NCK2: variants seen among roughly 807,000 people sequenced by gnomAD.
The protein encoded by NCK2 is NCK adaptor protein 2.
In NCK2, 16 loss-of-function variants were observed where a neutral mutation model predicts 33.9. The ratio of observed to expected loss-of-function variants is 0.47; its 90% CI spans 0.32 to 0.72. NCK2 has a LOEUF of 0.72. NCK2 is among the 30% of genes least tolerant of loss of function. NCK2 has a pLI of 0.03. For synonymous variants in NCK2, 273 were observed against 239.9 expected (o/e 1.14, Z -1.27); for missense variants, 418 against 537.3 (o/e 0.78, Z 2.19).
intron 1 of NCK2, among the ~76,000 whole-genome samples, chr2:105,747,501 A>G (rs1057363810): frequency 6.6e-6 from 1 of 152,194 alleles, no homozygotes; most frequent in African/African-American, 2.4e-5. Flanking sequence ...TGCCGTGTGC[A>G]CTGGGGGAGA....
At chr2:105,775,613 A>G (rs1464897750) in intron 1 of NCK2, among the ~76,000 whole-genome samples, 5 of 152,168 alleles carry the variant, frequency 3.3e-5, no homozygotes, top group Admixed American at 6.5e-5. Context: ...GCTGTAGACA[A>G]AGGAGCTGTT....
chr2:105,786,010 CTT>C (rs1294627176), intron 1 of NCK2, among the ~76,000 whole-genome samples: 1 of 152,214 alleles, frequency 6.6e-6, no homozygotes, highest in Non-Finnish European at 1.5e-5. Context: ...TGTGTCCACT[CTT>C]TGCCCATCTG....
intron 4 of NCK2, among the ~76,000 whole-genome samples, chr2:105,887,317 AAAG>A (rs1193597942): frequency 6.6e-6 from 1 of 152,216 alleles, no homozygotes; most frequent in African/African-American, 2.4e-5. Context: ...TGCCTTCTGT[AAAG>A]AAGTAAAAGG....
intron 4 of NCK2, among the ~76,000 whole-genome samples, chr2:105,886,214 T>C (rs1273458627): frequency 6.6e-6 from 1 of 152,252 alleles, no homozygotes; most frequent in Non-Finnish European, 1.5e-5. Flanking sequence ...TGGATTTTTG[T>C]AATAGTTCTA....
intron 3 of NCK2, among the ~76,000 whole-genome samples, chr2:105,858,460 G>C (rs1297956015): frequency 6.6e-6 from 1 of 152,084 alleles, no homozygotes; most frequent in Non-Finnish European, 1.5e-5. Flanking sequence ...TGTTGCCTGG[G>C]CTGATCTTTA....
intron 1 of NCK2, among the ~76,000 whole-genome samples, chr2:105,773,095 C>T (rs1690188718): frequency 6.6e-6 from 1 of 151,522 alleles, no homozygotes; most frequent in African/African-American, 2.4e-5. Flanking sequence ...GACAGGCCCT[C>T]ACTGTGTTAT....
At chr2:105,837,611 A>G (rs993396991) in intron 2 of NCK2, among the ~76,000 whole-genome samples, 1 of 152,186 alleles carries the variant, frequency 6.6e-6, no homozygotes, top group African/African-American at 2.4e-5. Context: ...TCTGTACTGC[A>G]TATAAGTAGA....
Position 105,871,880 on chromosome 2 carries a change from G to A in NCK2, c.227-9448G>A, listed in dbSNP as rs557671882. Among the ~76,000 whole-genome samples, 42 of 152,284 alleles carry A rather than the reference G, an allele frequency of 2.8e-4. 1 individual carries two copies. In the South Asian group the frequency reaches 6.2e-3, roughly 23 times the overall value. On this transcript the variant is annotated intron_variant, in intron 3 of 4. Transcript: ENST00000233154. ...AAGGTCAATTAGGACCTTAGAGAGCGGGGAGGAAACTACATGACACCTGAC... is the reference window on the plus strand; with the variant it reads ...AAGGTCAATTAGGACCTTAGAGAGCAGGGAGGAAACTACATGACACCTGAC...
Position 105,867,883 on chromosome 2 carries a change from A to C in NCK2, c.226+12594A>C, listed in dbSNP as rs78422411. Among the ~76,000 whole-genome samples the C allele has an allele frequency of 1.8e-4, 27 of 152,378 alleles. No homozygotes were observed. The East Asian group carries it at 5.0e-3, about 28-fold the overall frequency. Reference sequence around the variant, plus strand: ...TTTACGAATAAAGAAACGTGAACCAAATATGCCAGGGAATTAGAGAACCAT... The same window carrying C: ...TTTACGAATAAAGAAACGTGAACCACATATGCCAGGGAATTAGAGAACCAT... On this transcript the variant is annotated intron_variant, in intron 3 of 4. Transcript: ENST00000233154.
chr2:105,793,057 C>T (rs1558839466), intron 1 of NCK2, among the ~76,000 whole-genome samples: 1 of 152,060 alleles, frequency 6.6e-6, no homozygotes, highest in Non-Finnish European at 1.5e-5. Context: ...TGAAGGTGAG[C>T]ATCAAGCAGT....
intron 1 of NCK2, among the ~76,000 whole-genome samples, chr2:105,803,136 G>T (rs1335336072): frequency 6.6e-6 from 1 of 151,910 alleles, no homozygotes; most frequent in African/African-American, 2.4e-5. Flanking sequence ...GCAAGGTTAG[G>T]CTTATTTTCT....
At chr2:105,811,235 A>G (rs552338206) in intron 1 of NCK2, among the ~76,000 whole-genome samples, 4 of 151,934 alleles carry the variant, frequency 2.6e-5, no homozygotes, top group Non-Finnish European at 5.9e-5. Context: ...TTGGCACCAC[A>G]TCATCAATTT....
At chr2:105,799,423 C>G (rs186945663) in intron 1 of NCK2, among the ~76,000 whole-genome samples, 1 of 152,228 alleles carries the variant, frequency 6.6e-6, no homozygotes, top group Admixed American at 6.5e-5. Flanking sequence ...GATGGCCAAC[C>G]AGAGTACCCC....
chr2:105,778,682 T>C (rs774578451), intron 1 of NCK2, among the ~76,000 whole-genome samples: 1 of 152,202 alleles, frequency 6.6e-6, no homozygotes, highest in Non-Finnish European at 1.5e-5. Flanking sequence ...GCACTGGTTA[T>C]GTGTATCAAT....
chr2:105,841,630 G>A (rs770426291), intron 2 of NCK2, among the ~76,000 whole-genome samples: 27 of 152,156 alleles, frequency 1.8e-4, no homozygotes, highest in Non-Finnish European at 3.4e-4. Context: ...TTGGAGGGTG[G>A]AGGGTGGGGT....
intron 1 of NCK2, among the ~76,000 whole-genome samples, chr2:105,752,840 T>A (rs1396250994): frequency 1.3e-5 from 2 of 152,190 alleles, no homozygotes; most frequent in African/African-American, 4.8e-5. Flanking sequence ...ATATTTCTGA[T>A]AACATGTTAA....
chr2:105,775,151 T>C (rs1166977809), intron 1 of NCK2, among the ~76,000 whole-genome samples: 25 of 152,188 alleles, frequency 1.6e-4, no homozygotes. Context: ...TAATAAGTGG[T>C]ATTTGTTGAG....
intron 1 of NCK2, among the ~76,000 whole-genome samples, chr2:105,798,583 A>G (rs914834798): frequency 2.6e-5 from 4 of 152,220 alleles, no homozygotes; most frequent in Non-Finnish European, 4.4e-5. Context: ...GAAGTTCCCC[A>G]AAGATACATG....
chr2:105,846,236 G>C (rs1030602776), intron 2 of NCK2, among the ~76,000 whole-genome samples: 1 of 151,938 alleles, frequency 6.6e-6, no homozygotes, highest in Admixed American at 6.6e-5. Context: ...TAGTTGAAGC[G>C]ACAGTGCCAC....
Sources: gnomAD v4.1 joint callset for allele counts (sites outside exome capture counted in the v4.1 genomes callset) on GRCh38, gnomAD v4.1.1 for gene constraint, MANE v1.5 for transcripts, NCBI Gene and HGNC (gene_info 2026-07-23, HGNC 2026-07-21) for gene names.